The following ZDHHC6 variants were observed in gnomAD, a reference collection of about 807,000 sequenced individuals.
The protein encoded by ZDHHC6 is palmitoyltransferase ZDHHC6.
A neutral mutation model predicts 57.8 loss-of-function variants in ZDHHC6; 32 were observed. That is an observed-to-expected ratio of 0.55 (90% CI 0.42 to 0.74). ZDHHC6 has a LOEUF of 0.74. Among genes scored for constraint, ZDHHC6 ranks in the 30% least tolerant of loss-of-function variants. ZDHHC6 has a pLI of 0.00. For synonymous variants in ZDHHC6, 128 were observed against 158.0 expected (o/e 0.81, Z 1.42); for missense variants, 433 against 500.7 (o/e 0.86, Z 1.29).
chr10:112,443,208 A>G (rs1846304107), intron 3 of ZDHHC6, among the ~76,000 whole-genome samples: 1 of 152,240 alleles, frequency 6.6e-6, no homozygotes, highest in African/African-American at 2.4e-5. Flanking sequence ...AACACAATTA[A>G]TCTTGATATA....
chr10:112,427,095 G>C, downstream of ZDHHC6: 2 of 1,025,298 alleles, frequency 2.0e-6, no homozygotes, highest in Non-Finnish European at 2.9e-6. Flanking sequence ...GAATGGGCAT[G>C]TGTTACTGTT....
At chr10:112,443,754 T>C in intron 2 of ZDHHC6, 148 bp from the exon 3 acceptor site, 1 of 604,908 alleles carries the variant, frequency 1.7e-6, no homozygotes. Context: ...TAAAATATTT[T>C]TAAATAAGTT....
At chr10:112,429,966 T>C (rs1191666638), downstream of ZDHHC6, among the ~76,000 whole-genome samples, 6 of 108,362 alleles carry the variant, frequency 5.5e-5, no homozygotes, top group African/African-American at 2.5e-4. Flanking sequence ...AAGCAGTTGT[T>C]GGGGGGGGGG....
At chr10:112,429,975 G>GGT (rs1396939278), downstream of ZDHHC6, among the ~76,000 whole-genome samples, 10 of 150,760 alleles carry the variant, frequency 6.6e-5, 1 homozygote, top group Non-Finnish European at 1.5e-4. Flanking sequence ...TTGGGGGGGG[G>GGT]GTGTGGGGGG....
intron 2 of ZDHHC6, among the ~76,000 whole-genome samples, chr10:112,444,847 G>C (rs1846480861): frequency 6.6e-6 from 1 of 152,124 alleles, no homozygotes; most frequent in African/African-American, 2.4e-5. Flanking sequence ...AGGTACTACA[G>C]CCAAACCTCA....
intron 5 of ZDHHC6, among the ~76,000 whole-genome samples, chr10:112,439,669 A>G (rs10787448): frequency 1.4e-4 from 15 of 108,584 alleles, no homozygotes; most frequent in South Asian, 3.2e-4. Flanking sequence ...AAAAAAAAAA[A>G]GAATGAAAAA....
Position 112,440,676 on chromosome 10 carries a change from G to T in ZDHHC6, c.539C>A (p.Thr180Lys). Residue 180 changes from threonine to lysine, a missense_variant, in exon 5 of 11, where the codon ACA becomes AAA. Coordinates refer to ENST00000369405, the MANE Select transcript of ZDHHC6 (RefSeq NM_022494.3). The part of the protein sequence containing the change: ...LYHRLSFGWN[T>K]VKIDMSAARR... ...GGCTGCACTCATGTCGATCTTCACTGTGTTCCACCCAAAGGAGAGCTATCG... is the reference window on the plus strand; with the variant it reads ...GGCTGCACTCATGTCGATCTTCACTTTGTTCCACCCAAAGGAGAGCTATCG... 1 of 1,613,658 alleles carries T rather than the reference G, an allele frequency of 6.2e-7. No homozygotes were observed. The highest frequency in any genetic ancestry group is 1.1e-5 in the South Asian group (1 of 90,998).
chr10:112,431,433 C>A (rs1845023031), intron 10 of ZDHHC6, among the ~76,000 whole-genome samples: 1 of 152,056 alleles, frequency 6.6e-6, no homozygotes, highest in Admixed American at 6.5e-5. Flanking sequence ...CCTGCCTCAG[C>A]CTCTGGAGCA....
chr10:112,429,220 A>G (rs1463019744), downstream of ZDHHC6, among the ~76,000 whole-genome samples: 1 of 152,232 alleles, frequency 6.6e-6, no homozygotes, highest in Non-Finnish European at 1.5e-5. Context: ...TCTAGCTCCC[A>G]TTATCACTTT....
chr10:112,444,486 A>G (rs1464900899), intron 2 of ZDHHC6, among the ~76,000 whole-genome samples: 2 of 152,206 alleles, frequency 1.3e-5, no homozygotes, highest in Non-Finnish European at 2.9e-5. Context: ...CCTCCTCTGT[A>G]CGCATTTTGA....
At position 112,432,244 on chromosome 10, in the gene ZDHHC6, T is replaced by C. The variant is rs763629086; in HGVS notation, c.1134A>G (p.Ile378Met). 1 of 1,603,446 alleles carries C rather than the reference T, an allele frequency of 6.2e-7. No individual in the cohort carries two copies. The highest frequency in any genetic ancestry group is 8.5e-7 in the Non-Finnish European group (1 of 1,177,282). The change falls in exon 10 of 11, where the codon ATA becomes ATG. Residue 378 changes from isoleucine to methionine, a missense_variant. Physicochemically the swap from Ile to Met is conservative, Grantham distance 10. Coordinates refer to ENST00000369405, the MANE Select transcript of ZDHHC6 (RefSeq NM_022494.3). Reference sequence around the variant, plus strand: ...CATGCCCTTCCATTTCCATACCTTCTATAAAGGAATCATCAAGAATTTTGT... The same window carrying C: ...CATGCCCTTCCATTTCCATACCTTCCATAAAGGAATCATCAAGAATTTTGT... ...YGDKILDDSF[I>M]EGVSRIRGWF...
downstream of ZDHHC6, chr10:112,426,719 G>A (rs1844735074): frequency 1.4e-5 from 20 of 1,401,688 alleles, no homozygotes; most frequent in South Asian, 8.1e-5. Flanking sequence ...GGCACTTTGA[G>A]TTGGTTCATG....
Position 112,445,354 on chromosome 10 carries a change from A to C in ZDHHC6, c.83T>G (p.Leu28Arg). The stretch of plus-strand genomic sequence containing the variant: ...GGTAGAACATATTGCTATAACACCA[A>C]GGGCTATGATGGGACCCCAGTGACA... ...RLCHWGPIIA[L>R]GVIAICSTMA... Residue 28 changes from leucine (L) to arginine (R), a missense_variant, in exon 2 of 11, where the codon CTT becomes CGT. Coordinates refer to ENST00000369405, the MANE Select transcript of ZDHHC6 (RefSeq NM_022494.3). The C allele has an allele frequency of 6.2e-7, 1 of 1,614,222 alleles. No homozygotes were observed. The highest frequency in any genetic ancestry group is 8.5e-7 in the Non-Finnish European group (1 of 1,180,042).
chr10:112,446,303 T>G (rs372435589), intron 1 of ZDHHC6, among the ~76,000 whole-genome samples: 1 of 151,950 alleles, frequency 6.6e-6, no homozygotes, highest in Non-Finnish European at 1.5e-5. Context: ...GTGTGTGGTG[T>G]GTGTGAAATT....
chr10:112,444,484 G>A (rs1846449973), intron 2 of ZDHHC6, among the ~76,000 whole-genome samples: 1 of 152,184 alleles, frequency 6.6e-6, no homozygotes, highest in South Asian at 2.1e-4. Flanking sequence ...ACCCTCCTCT[G>A]TACGCATTTT....
rs571106792 is a variant in ZDHHC6 at position 112,445,856 on chromosome 10, T to G, written c.-214-206A>C. 2.0e-5 allele frequency among the ~76,000 whole-genome samples: 3 copies of G among 152,386 alleles called. No homozygotes were observed. The South Asian group carries it at 6.2e-4, about 32-fold the overall frequency. On this transcript the variant is annotated intron_variant, in intron 1 of 10. Coordinates refer to ENST00000369405, the MANE Select transcript of ZDHHC6 (RefSeq NM_022494.3). ...GTACAAGTTTGAATGGCATGCAAACTGGATACACGATTCCAAAATAGTTTT... is the reference window on the plus strand; with the variant it reads ...GTACAAGTTTGAATGGCATGCAAACGGGATACACGATTCCAAAATAGTTTT...
chr10:112,445,218 G>A lies in ZDHHC6; in HGVS notation c.219C>T (p.Phe73=), dbSNP rs1361542463. ...NWTVMILYNY[F]NAMFVGPGFV... ...AGCCCGGACCGACAAACATGGCATT[G>A]AAGTAATTATAAAGAATCATGACAG... The change falls in exon 2 of 11, where the codon TTC becomes TTT. Residue 73 remains phenylalanine, a synonymous_variant. Transcript: ENST00000369405. 4.3e-6 allele frequency: 7 copies of A among 1,614,174 alleles called. No homozygotes were observed. The highest frequency in any genetic ancestry group is 5.9e-6 in the Non-Finnish European group (7 of 1,180,020).
chr10:112,447,323 G>C (rs1428850473), upstream of ZDHHC6: 1 of 1,581,024 alleles, frequency 6.3e-7, no homozygotes, highest in Admixed American at 1.8e-5. Context: ...GCCCCTCGAG[G>C]CCCTTTCCCT....
At chr10:112,437,407 A>G (rs749216907) in intron 6 of ZDHHC6, among the ~76,000 whole-genome samples, 1 of 152,244 alleles carries the variant, frequency 6.6e-6, no homozygotes. Context: ...TAAAATAAAA[A>G]GGTATAAAAA....
Sources: gnomAD v4.1 joint callset for allele counts (sites outside exome capture counted in the v4.1 genomes callset) on GRCh38, gnomAD v4.1.1 for gene constraint, MANE v1.5 for transcripts, NCBI Gene and HGNC (gene_info 2026-07-23, HGNC 2026-07-21) for gene names.